The following COG5 variants were observed in gnomAD, a reference collection of about 807,000 sequenced individuals.
COG5 encodes conserved oligomeric Golgi complex subunit 5.
COG5 carries 86 observed loss-of-function variants against 110.4 expected under a neutral mutation model. The observed-to-expected ratio is 0.78, with a 90% CI of 0.65 to 0.93. COG5 has a LOEUF of 0.93. Among genes scored for constraint, COG5 ranks in the 40% least tolerant of loss-of-function variants. The pLI is 0.00. For missense variants in COG5, 1,077 were observed against 987.0 expected, an observed-to-expected ratio of 1.09 and a Z score of -1.22; for synonymous variants, 360 against 334.6, an observed-to-expected ratio of 1.08 and a Z score of -0.83.
intron 6 of COG5, among the ~76,000 whole-genome samples, chr7:107,419,760 G>T (rs560431454): frequency 1.3e-5 from 2 of 151,954 alleles, no homozygotes; most frequent in Non-Finnish European, 2.9e-5. Context: ...TAGAGACAGG[G>T]TTTCACCATT....
chr7:107,482,130 G>A (rs1435304251), intron 6 of COG5, among the ~76,000 whole-genome samples: 4 of 139,846 alleles, frequency 2.9e-5, no homozygotes, highest in African/African-American at 1.0e-4. Context: ...TTGCAGTCCT[G>A]AAAAAAAAAT....
At chr7:107,479,182 G>C (rs1797169156) in intron 6 of COG5, among the ~76,000 whole-genome samples, 1 of 152,004 alleles carries the variant, frequency 6.6e-6, no homozygotes, top group Admixed American at 6.6e-5. Flanking sequence ...TTGAATTTAA[G>C]AACAGTAAAA....
At chr7:107,230,783 G>T in intron 18 of COG5, 92 bp from the exon 19 acceptor site, 1 of 990,216 alleles carries the variant, frequency 1.0e-6, no homozygotes, top group Non-Finnish European at 1.6e-6. Flanking sequence ...GTAGCTTGCA[G>T]TAAACTTAAT....
intron 6 of COG5, chr7:107,473,999 C>T: frequency 1.2e-6 from 1 of 828,006 alleles, no homozygotes. Context: ...TTTAAATTGC[C>T]AAATATCAAA....
chr7:107,435,244 A>G (rs1301457241), intron 6 of COG5, among the ~76,000 whole-genome samples: 3 of 152,214 alleles, frequency 2.0e-5, no homozygotes, highest in Non-Finnish European at 2.9e-5. Context: ...CAATATAAAC[A>G]TAGTACTAAA....
intron 6 of COG5, among the ~76,000 whole-genome samples, chr7:107,484,504 C>G (rs933353751): frequency 2.6e-5 from 4 of 152,180 alleles, no homozygotes; most frequent in Non-Finnish European, 5.9e-5. Context: ...GAAGTACAAA[C>G]TATTGGTACT....
intron 8 of COG5, among the ~76,000 whole-genome samples, chr7:107,370,949 A>T (rs1814103529): frequency 6.6e-6 from 1 of 151,982 alleles, no homozygotes; most frequent in Non-Finnish European, 1.5e-5. Context: ...TTCTCTCAAC[A>T]AAAGAGGCAT....
Position 107,203,414 on chromosome 7 carries a change from A to G in COG5, c.*102T>C, listed in dbSNP as rs918514411. 2 of 805,366 alleles carry G rather than the reference A, an allele frequency of 2.5e-6. No homozygotes were observed. The highest frequency in any genetic ancestry group is 3.4e-5 in the African/African-American group (2 of 58,970). The allele number at this position is 805,366 out of a possible 1,614,324, so 49.9% of individuals were successfully genotyped here. ...TAGGAAATACCGAACAATCAATTAC[A>G]TTCTTAAAATAGTAGATAGTAGCAG... On this transcript the variant is annotated 3_prime_UTR_variant, in exon 22 of 22. Coordinates refer to ENST00000297135, the MANE Select transcript of COG5 (RefSeq NM_006348.5).
chr7:107,534,044 GA>G (rs1159700226), intron 5 of COG5, among the ~76,000 whole-genome samples: 2 of 151,496 alleles, frequency 1.3e-5, no homozygotes, highest in African/African-American at 4.9e-5. Flanking sequence ...TTTCAACCCA[GA>G]ATTTCATATC....
intron 7 of COG5, among the ~76,000 whole-genome samples, chr7:107,409,636 T>C (rs1334862753): frequency 6.6e-6 from 1 of 152,180 alleles, no homozygotes; most frequent in African/African-American, 2.4e-5. Flanking sequence ...CTTTGTTTGC[T>C]GCTAATAAAA....
chr7:107,291,242 CTTCA>C (rs1242283022), intron 12 of COG5, among the ~76,000 whole-genome samples: 1 of 151,696 alleles, frequency 6.6e-6, no homozygotes, highest in African/African-American at 2.4e-5. Flanking sequence ...TGTTTATTTT[CTTCA>C]TTCTTTTCTT....
chr7:107,210,593 A>AC lies in COG5; in HGVS notation c.2307dup (p.Ser770ValfsTer11). On this transcript the variant is annotated frameshift_variant, in exon 21 of 22. Coordinates refer to ENST00000297135, the MANE Select transcript of COG5 (RefSeq NM_006348.5). LOFTEE classifies it high-confidence loss of function. ...AGCCACTGAGAGAAGCGTGTGTGGGACCACTCTGCCCTCTGCAGGGTTGAA... is the reference window on the plus strand; with the variant it reads ...AGCCACTGAGAGAAGCGTGTGTGGGACCCACTCTGCCCTCTGCAGGGTTGAA... 6.2e-7 allele frequency: 1 copy of AC among 1,602,438 alleles called. No individual in the cohort carries two copies.
intron 7 of COG5, among the ~76,000 whole-genome samples, chr7:107,402,180 T>C (rs1791484290): frequency 6.6e-6 from 1 of 152,184 alleles, no homozygotes; most frequent in Non-Finnish European, 1.5e-5. Flanking sequence ...GTCATGGTAC[T>C]TTTGGCTGAC....
rs1053225493 is a variant in COG5 at position 107,236,738 on chromosome 7, C to G, written c.1854-51G>C. On this transcript the variant is annotated intron_variant, in intron 17 of 21. Coordinates refer to ENST00000297135, the MANE Select transcript of COG5 (RefSeq NM_006348.5). Reference sequence around the variant, plus strand: ...CAGCACCGCTGCACTAAATCACACTCTTTGATTTTGTACCCCTCTCCCCAC... The same window carrying G: ...CAGCACCGCTGCACTAAATCACACTGTTTGATTTTGTACCCCTCTCCCCAC... The G allele has an allele frequency of 5.8e-6, 7 of 1,205,888 alleles. No homozygotes were observed. In the Middle Eastern group the frequency reaches 7.6e-4, roughly 130 times the overall value. The allele number at this position is 1,205,888 out of a possible 1,614,324, so 74.7% of individuals were successfully genotyped here. A position where few individuals can be genotyped will look rare whatever the true frequency, so the allele number is the denominator to read the frequency against.
chr7:107,537,242 T>C (rs189329733), intron 5 of COG5, among the ~76,000 whole-genome samples: 8 of 152,030 alleles, frequency 5.3e-5, no homozygotes, highest in Non-Finnish European at 8.8e-5. Context: ...TAAATCATTC[T>C]ATACCCAAAG....
intron 10 of COG5, among the ~76,000 whole-genome samples, chr7:107,327,246 A>G (rs773410800): frequency 6.6e-6 from 1 of 152,222 alleles, no homozygotes; most frequent in Non-Finnish European, 1.5e-5. Context: ...ATACGCATGC[A>G]AAAGAATAAA....
At chr7:107,381,697 A>G (rs976599156) in intron 7 of COG5, among the ~76,000 whole-genome samples, 3 of 152,260 alleles carry the variant, frequency 2.0e-5, no homozygotes, top group Non-Finnish European at 2.9e-5. Context: ...AGACTCACGA[A>G]GAGCTAAAAT....
At chr7:107,283,409 G>A (rs1450216699) in intron 13 of COG5, among the ~76,000 whole-genome samples, 162 bp downstream of exon 13, 3 of 152,086 alleles carry the variant, frequency 2.0e-5, no homozygotes, top group Non-Finnish European at 2.9e-5. Context: ...GGAATCTCAA[G>A]TACTTACTAT....
chr7:107,411,497 TGA>T (rs552614751), intron 7 of COG5, among the ~76,000 whole-genome samples: 257 of 152,248 alleles, frequency 1.7e-3, no homozygotes, highest in Non-Finnish European at 1.6e-3. Context: ...GTAAAAATTG[TGA>T]GAGAGGGTAA....
Sources: allele counts gnomAD v4.1 joint callset (sites outside exome capture counted in the v4.1 genomes callset), GRCh38; gene constraint gnomAD v4.1.1; transcripts MANE v1.5; gene names NCBI Gene and HGNC (gene_info 2026-07-23, HGNC 2026-07-21).